Variants in OAS1 observed in about 807,000 individuals in gnomAD.
The protein encoded by OAS1 is 2'-5'-oligoadenylate synthase 1.
Under a neutral mutation model 38.5 loss-of-function variants are expected in OAS1, and 24 were observed. The observed-to-expected ratio is 0.62, with a 90% CI of 0.45 to 0.88. The LOEUF (loss-of-function observed/expected upper bound fraction) is 0.88, where lower values mean the gene tolerates loss of function less well. OAS1 is among the 40% of genes least tolerant of loss of function. The probability of loss-of-function intolerance (pLI) is 0.00; values close to 1 mark genes in which losing one functional copy is unlikely to be tolerated. For synonymous variants in OAS1, 169 were observed against 193.9 expected, an observed-to-expected ratio of 0.87 and a Z score of 1.07; for missense variants, 482 against 493.9, an observed-to-expected ratio of 0.98 and a Z score of 0.23.
At chr12:112,928,778 T>C (rs2043577902) in intron 6 of OAS1, among the ~76,000 whole-genome samples, 2 of 152,168 alleles carry the variant, frequency 1.3e-5, no homozygotes, top group Admixed American at 1.3e-4. Flanking sequence ...GTAACCATCG[T>C]CTTTAGTGGG....
At chr12:112,930,707 C>A (rs1344047075) in intron 6 of OAS1, among the ~76,000 whole-genome samples, 2 of 152,238 alleles carry the variant, frequency 1.3e-5, no homozygotes, top group East Asian at 3.9e-4. Flanking sequence ...CTGACTCTGG[C>A]CTTTTACAGA....
At chr12:112,908,886 T>C (rs2043338865) in intron 2 of OAS1, 62 bp downstream of exon 2, 7 of 1,515,528 alleles carry the variant, frequency 4.6e-6, no homozygotes, top group Non-Finnish European at 5.3e-6. Context: ...CTCCCACAGT[T>C]TGAGAGCTTT....
At chr12:112,923,828 A>C (rs537904535), downstream of OAS1, among the ~76,000 whole-genome samples, 5 of 152,348 alleles carry the variant, frequency 3.3e-5, no homozygotes, top group Admixed American at 2.6e-4. Context: ...CAGTGTCTTC[A>C]ACAAATGGTG....
chr12:112,917,841 C>G (rs976008099), intron 5 of OAS1, 141 bp downstream of exon 5: 1 of 1,569,392 alleles, frequency 6.4e-7, no homozygotes, highest in Non-Finnish European at 8.6e-7. Flanking sequence ...AGGCTGTGCT[C>G]CATATTTTAC....
At chr12:112,931,096 A>T (rs994421037) in intron 6 of OAS1, among the ~76,000 whole-genome samples, 15 of 152,170 alleles carry the variant, frequency 9.9e-5, no homozygotes, top group African/African-American at 3.6e-4. Context: ...GCTTTTTCTG[A>T]GTCTTCTGTT....
chr12:112,907,004 T>C lies in OAS1; in HGVS notation c.-36T>C, dbSNP rs1402658444. 41 of 1,611,598 alleles carry C rather than the reference T, an allele frequency of 2.5e-5. No homozygotes were observed. The highest frequency in any genetic ancestry group is 3.3e-5 in the Non-Finnish European group (39 of 1,177,918). On this transcript the variant is annotated 5_prime_UTR_variant, in exon 1 of 6. Transcript: ENST00000202917. ...CAGAAGAGATAAAAGCAAACAGGTC[T>C]GGGAGGCAGTTCTGTTGCCACTCTC... is the stretch of plus-strand genomic sequence containing the variant.
downstream of OAS1, among the ~76,000 whole-genome samples, chr12:112,920,552 A>G (rs2043522902): frequency 1.3e-5 from 2 of 152,270 alleles, no homozygotes; most frequent in East Asian, 1.9e-4. Context: ...CTTGTGTTAT[A>G]TTATGTATTT....
exon 7 of OAS1, chr12:112,932,072 A>G (rs1248539835): frequency 6.7e-6 from 4 of 598,884 alleles, no homozygotes; most frequent in African/African-American, 5.8e-5. Flanking sequence ...CTCTCTCTCT[A>G]CTTAAAATTA....
intron 6 of OAS1, among the ~76,000 whole-genome samples, chr12:112,930,158 C>T (rs1004461764): frequency 9.9e-5 from 15 of 152,216 alleles, no homozygotes; most frequent in African/African-American, 2.6e-4. Flanking sequence ...CTCCTGCTTT[C>T]GCCACATGAT....
intron 6 of OAS1, among the ~76,000 whole-genome samples, chr12:112,926,492 C>T (rs1023366742): frequency 6.6e-6 from 1 of 152,114 alleles, no homozygotes; most frequent in Non-Finnish European, 1.5e-5. Flanking sequence ...GGGCAGACAT[C>T]ACATGTCGGC....
intron 5 of OAS1, 149 bp from the exon 6 acceptor site, chr12:112,919,240 C>T: frequency 4.1e-6 from 3 of 725,676 alleles, no homozygotes; most frequent in Non-Finnish European, 4.5e-6. Context: ...AGTCTGTCTG[C>T]TGACCACTGT....
chr12:112,929,085 C>A (rs546604744), intron 6 of OAS1, among the ~76,000 whole-genome samples: 1 of 152,340 alleles, frequency 6.6e-6, no homozygotes, highest in East Asian at 1.9e-4. Flanking sequence ...TGCCAGAGGG[C>A]CCTGTGAGAC....
chr12:112,916,922 G>A, intron 4 of OAS1, 184 bp downstream of exon 4: 2 of 587,126 alleles, frequency 3.4e-6, no homozygotes, highest in South Asian at 4.0e-5. Context: ...ACCCTGTGAG[G>A]CAGGCACTAT....
At chr12:112,932,051 T>C in exon 7 of OAS1, 1 of 639,344 alleles carries the variant, frequency 1.6e-6, no homozygotes, top group Admixed American at 2.6e-5. Flanking sequence ...TAAAATTAAT[T>C]GCAACCCAAC....
chr12:112,916,393 C>T (rs1166742641), intron 3 of OAS1, 116 bp from the exon 4 acceptor site: 2 of 719,422 alleles, frequency 2.8e-6, no homozygotes, highest in East Asian at 2.7e-5. Context: ...AGCCTGGATT[C>T]GTTCCAAGGA....
In OAS1 at chr12:112,919,719, C is replaced by G; in HGVS notation, c.*166C>G. The G allele has an allele frequency of 6.6e-7, 1 of 1,511,096 alleles. No homozygotes were observed. The highest frequency in any genetic ancestry group is 8.9e-7 in the Non-Finnish European group (1 of 1,125,984). 93.6% of individuals were successfully genotyped at this position (1,511,096 alleles called of 1,614,324 possible). On this transcript the variant is annotated 3_prime_UTR_variant, in exon 6 of 6. Coordinates refer to ENST00000202917, the MANE Select transcript of OAS1 (RefSeq NM_016816.4). ...CTCCTGGCCTTCTATGCCCTCTATC[C>G]TATCATAGATAACATTCTCCACAGC...
At chr12:112,916,313 G>A (rs781397275) in intron 3 of OAS1, among the ~76,000 whole-genome samples, 196 bp from the exon 4 acceptor site, 9 of 152,200 alleles carry the variant, frequency 5.9e-5, no homozygotes, top group Non-Finnish European at 1.0e-4. Context: ...GGACTGCACA[G>A]CCTCTGTTGC....
intron 6 of OAS1, chr12:112,931,853 C>T: frequency 1.4e-6 from 1 of 696,784 alleles, no homozygotes; most frequent in Non-Finnish European, 2.6e-6. Flanking sequence ...ATGAGAGTGA[C>T]ACACACTCCT....
At chr12:112,915,872 G>A (rs2043447701) in intron 3 of OAS1, among the ~76,000 whole-genome samples, 1 of 152,126 alleles carries the variant, frequency 6.6e-6, no homozygotes, top group Non-Finnish European at 1.5e-5. Context: ...AGCATTTAAA[G>A]TTTGTAGGTT....
Sources: gnomAD v4.1 joint callset for allele counts (sites outside exome capture counted in the v4.1 genomes callset) on GRCh38, gnomAD v4.1.1 for gene constraint, MANE v1.5 for transcripts, NCBI Gene and HGNC (gene_info 2026-07-23, HGNC 2026-07-21) for gene names.